The following UBAP2L variants were observed in gnomAD, a reference collection of about 807,000 sequenced individuals.
The protein encoded by UBAP2L is ubiquitin associated protein 2 like.
In UBAP2L, 12 loss-of-function variants were observed where a neutral mutation model predicts 130.6. That is an observed-to-expected ratio of 0.09 (90% CI 0.06 to 0.15). The LOEUF (loss-of-function observed/expected upper bound fraction) is 0.15, where lower values mean the gene tolerates loss of function less well. Ranked by LOEUF, UBAP2L falls within the 10% of genes least tolerant of loss-of-function variation. The pLI is 1.00. For missense variants in UBAP2L, 965 were observed against 1,332.5 expected (o/e 0.72, Z 4.29); for synonymous variants, 503 against 524.7 (o/e 0.96, Z 0.57).
chr1:154,236,935 G>C (rs1671881699), intron 7 of UBAP2L, 89 bp from the exon 8 acceptor site: 1 of 977,336 alleles, frequency 1.0e-6, no homozygotes, highest in Admixed American at 2.1e-5. Context: ...TTTGTACTAG[G>C]AAGGATGCAG....
At chr1:154,227,489 A>G (rs1668342517) in intron 3 of UBAP2L, 130 bp downstream of exon 3, 1 of 755,138 alleles carries the variant, frequency 1.3e-6, no homozygotes, top group Middle Eastern at 4.0e-4. Flanking sequence ...CTGAAATATA[A>G]TAGGTCAGGC....
intron 14 of UBAP2L, among the ~76,000 whole-genome samples, chr1:154,252,588 T>C (rs1221454479): frequency 6.6e-6 from 1 of 151,728 alleles, no homozygotes; most frequent in Non-Finnish European, 1.5e-5. Flanking sequence ...GCTCAGAGTT[T>C]TGCTCTTGTT....
intron 11 of UBAP2L, among the ~76,000 whole-genome samples, chr1:154,247,172 A>C (rs1229837969): frequency 6.6e-6 from 1 of 152,144 alleles, no homozygotes; most frequent in Non-Finnish European, 1.5e-5. Context: ...GTGTGCATAT[A>C]ATTTTATTTT....
chr1:154,258,960 A>G lies in UBAP2L; in HGVS notation c.2443-17A>G. The G allele has an allele frequency of 6.2e-7, 1 of 1,612,172 alleles. No individual in the cohort carries two copies. Among genetic ancestry groups the G allele is most frequent in the Non-Finnish European group, 8.5e-7 (1 of 1,178,604 alleles). ...CATGACCAGTTCCTGTTATTGCTATATGTCTGTATCTTTCAGCCACAAGTA... is the reference window on the plus strand; with the variant it reads ...CATGACCAGTTCCTGTTATTGCTATGTGTCTGTATCTTTCAGCCACAAGTA... On this transcript the variant is annotated splice_polypyrimidine_tract_variant and intron_variant, in intron 20 of 26. Coordinates refer to ENST00000428931, the MANE Select transcript of UBAP2L (RefSeq NM_014847.4).
At chr1:154,251,451 A>G (rs761859574) in intron 13 of UBAP2L, 30 bp from the exon 14 acceptor site, 13 of 1,608,064 alleles carry the variant, frequency 8.1e-6, no homozygotes, top group Middle Eastern at 1.7e-4. Context: ...TATTAAAGCC[A>G]TTACTTTCTC....
intron 4 of UBAP2L, among the ~76,000 whole-genome samples, chr1:154,234,263 T>TA (rs1670890703): frequency 6.6e-6 from 1 of 152,068 alleles, no homozygotes; most frequent in Non-Finnish European, 1.5e-5. Context: ...CTTGAGAGAC[T>TA]GAGGCACGAG....
intron 24 of UBAP2L, among the ~76,000 whole-genome samples, chr1:154,263,689 T>G (rs1230763820): frequency 1.3e-5 from 2 of 152,278 alleles, no homozygotes; most frequent in South Asian, 2.1e-4. Flanking sequence ...ACCTGTTGAT[T>G]AGTTGGTAAA....
At chr1:154,270,129 G>C in intron 26 of UBAP2L, 71 bp from the exon 27 acceptor site, 3 of 1,503,326 alleles carry the variant, frequency 2.0e-6, no homozygotes, top group South Asian at 2.7e-5. Context: ...ATCTCCACCT[G>C]AAGATGTTAC....
intron 8 of UBAP2L, among the ~76,000 whole-genome samples, chr1:154,239,210 A>G (rs1041835961): frequency 1.3e-5 from 2 of 151,696 alleles, no homozygotes; most frequent in South Asian, 4.1e-4. Flanking sequence ...CTCATTTACA[A>G]GCAAAATTTC....
rs774167170 is a variant in UBAP2L at position 154,251,596 on chromosome 1, C to T, written c.1607C>T (p.Pro536Leu). 6 of 1,613,934 alleles carry T rather than the reference C, an allele frequency of 3.7e-6. No homozygotes were observed. Among genetic ancestry groups the T allele is most frequent in the Non-Finnish European group, 5.1e-6 (6 of 1,180,026 alleles). Residue 536 changes from proline to leucine, a missense_variant, in exon 14 of 27, where the codon CCC (proline) becomes CTC (leucine). Around this residue, in one of 9 missense-constraint regions of UBAP2L, gnomAD observed 393 missense variants for 408.1 expected, o/e 0.96. Coordinates refer to ENST00000428931, the MANE Select transcript of UBAP2L (RefSeq NM_014847.4). ...EPVLSDYEST[P>L]TTSASSSQAP... Reference sequence around the variant, plus strand: ...GTCCTTTCTGATTATGAGTCCACCCCCACCACGAGCGCCTCTTCAAGCCAG... The same window carrying T: ...GTCCTTTCTGATTATGAGTCCACCCTCACCACGAGCGCCTCTTCAAGCCAG...
At chr1:154,250,357 T>TG (rs1482971480) in intron 12 of UBAP2L, among the ~76,000 whole-genome samples, 1 of 151,700 alleles carries the variant, frequency 6.6e-6, no homozygotes, top group African/African-American at 2.4e-5. Context: ...TGGCCATTTT[T>TG]TTTTCCTCAT....
intron 10 of UBAP2L, among the ~76,000 whole-genome samples, chr1:154,245,165 T>C (rs1310978609): frequency 6.6e-6 from 1 of 152,134 alleles, no homozygotes; most frequent in African/African-American, 2.4e-5. Context: ...ACTTCAAGTA[T>C]CCGCCTGCTT....
At chr1:154,234,412 A>G (rs900984236) in intron 4 of UBAP2L, among the ~76,000 whole-genome samples, 179 bp from the exon 5 acceptor site, 14 of 152,070 alleles carry the variant, frequency 9.2e-5, no homozygotes, top group Non-Finnish European at 1.8e-4. Context: ...AAAGGACTTT[A>G]CTTTTTGTAG....
rs546106053 is a variant in UBAP2L, at chr1:154,221,644, G to C, written c.-41+669G>C. Among the ~76,000 whole-genome samples, 15 of 152,322 alleles carry C rather than the reference G, an allele frequency of 9.8e-5. No individual in the cohort carries two copies. The South Asian group carries it at 1.9e-3, about 19-fold the overall frequency. On this transcript the variant is annotated intron_variant, in intron 1 of 26. Transcript: ENST00000428931. Reference sequence around the variant, plus strand: ...CCGTGGGCTCTCGATGTGGCGCTGAGGGGGGTGAGCCTCCCATCCTCCACC... The same window carrying C: ...CCGTGGGCTCTCGATGTGGCGCTGACGGGGGTGAGCCTCCCATCCTCCACC...
chr1:154,225,265 G>A (rs1335092849), intron 2 of UBAP2L, 52 bp downstream of exon 2: 5 of 1,580,426 alleles, frequency 3.2e-6, no homozygotes, highest in Non-Finnish European at 3.5e-6. Context: ...TGCTGATACT[G>A]GTTTCCATGC....
At chr1:154,263,794 G>A (rs549536255) in intron 24 of UBAP2L, among the ~76,000 whole-genome samples, 1 of 152,256 alleles carries the variant, frequency 6.6e-6, no homozygotes, top group Non-Finnish European at 1.5e-5. Flanking sequence ...AGCAGTGGGG[G>A]AAAGGACAAA....
intron 24 of UBAP2L, among the ~76,000 whole-genome samples, chr1:154,262,714 G>A (rs1681963536): frequency 6.6e-6 from 1 of 152,176 alleles, no homozygotes; most frequent in Non-Finnish European, 1.5e-5. Flanking sequence ...TGCTGCATGA[G>A]TTAGAGTGGG....
chr1:154,226,122 A>T (rs531370807), intron 2 of UBAP2L, among the ~76,000 whole-genome samples: 1 of 152,262 alleles, frequency 6.6e-6, no homozygotes, highest in South Asian at 2.1e-4. Flanking sequence ...CCCCACCTTG[A>T]TACCTCTCTA....
intron 22 of UBAP2L, 104 bp downstream of exon 22, chr1:154,260,133 T>A: frequency 3.9e-6 from 5 of 1,275,346 alleles, no homozygotes; most frequent in Non-Finnish European, 4.5e-6. Flanking sequence ...TCAGGATTGG[T>A]AGATTCAAAA....
Sources: allele counts gnomAD v4.1 joint callset (sites outside exome capture counted in the v4.1 genomes callset), GRCh38; gene constraint gnomAD v4.1.1; regional missense constraint gnomAD v4.1.1; transcripts MANE v1.5; gene names NCBI Gene and HGNC (gene_info 2026-07-23, HGNC 2026-07-21).